The following NELL1 variants were observed in gnomAD, a reference collection of about 807,000 sequenced individuals.
NELL1 encodes neural EGFL like 1, also known as protein kinase C-binding protein NELL1.
Under a neutral mutation model 107.4 loss-of-function variants are expected in NELL1, and 76 were observed. The observed-to-expected ratio is 0.71, with a 90% CI of 0.59 to 0.86. The LOEUF is 0.86. Among genes scored for constraint, NELL1 ranks in the 40% least tolerant of loss-of-function variants. NELL1 has a pLI of 0.00. For missense variants in NELL1, 1,024 were observed against 1,005.5 expected (o/e 1.02, Z -0.25); for synonymous variants, 353 against 341.2 (o/e 1.03, Z -0.38).
chr11:21,170,269 C>A (rs1856575385), intron 13 of NELL1: 3 of 276,524 alleles, frequency 1.1e-5, no homozygotes, highest in Non-Finnish European at 2.0e-5. Context: ...GGGCCTTGGA[C>A]TGCATATTTT....
At chr11:21,476,306 T>C (rs1854331743) in intron 15 of NELL1, among the ~76,000 whole-genome samples, 2 of 152,158 alleles carry the variant, frequency 1.3e-5, no homozygotes, top group Admixed American at 6.5e-5. Flanking sequence ...AGATATTCTC[T>C]TCATTACCAG....
At chr11:21,301,731 C>T (rs1849495417) in intron 14 of NELL1, among the ~76,000 whole-genome samples, 1 of 152,028 alleles carries the variant, frequency 6.6e-6, no homozygotes, top group Non-Finnish European at 1.5e-5. Context: ...TTTTGCTGTG[C>T]AGAAGCTCTT....
At chr11:21,023,946 G>T (rs555485930) in intron 12 of NELL1, among the ~76,000 whole-genome samples, 1 of 152,090 alleles carries the variant, frequency 6.6e-6, no homozygotes, top group East Asian at 1.9e-4. Context: ...TTGCAGTGTT[G>T]CATAGAAACT....
At chr11:21,103,351 A>G (rs959082750) in intron 12 of NELL1, among the ~76,000 whole-genome samples, 1 of 152,210 alleles carries the variant, frequency 6.6e-6, no homozygotes, top group African/African-American at 2.4e-5. Context: ...TTGCTATCGA[A>G]TTAACCAAGA....
At chr11:21,285,367 C>G (rs563537539) in intron 14 of NELL1, among the ~76,000 whole-genome samples, 90 of 152,270 alleles carry the variant, frequency 5.9e-4, no homozygotes, top group Non-Finnish European at 1.1e-3. Context: ...TGCAGAGAAG[C>G]CTGGCTTCTC....
rs546193770 is a variant in NELL1 at position 21,191,939 on chromosome 11, T to C, written c.1427-37393T>C. Among the ~76,000 whole-genome samples, 8 of 152,038 alleles carry C rather than the reference T, an allele frequency of 5.3e-5. No individual in the cohort carries two copies. In the South Asian group the frequency reaches 1.7e-3, roughly 32 times the overall value. ...GCTTACACATTCCAAATGGACTTAT[T>C]AGATAATATGTGAAAGATATAAAAA... On this transcript the variant is annotated intron_variant, in intron 13 of 19. Transcript: ENST00000357134.
chr11:21,359,188 A>G (rs185651719), intron 14 of NELL1, among the ~76,000 whole-genome samples: 1 of 152,298 alleles, frequency 6.6e-6, no homozygotes, highest in African/African-American at 2.4e-5. Flanking sequence ...TTAATCATAA[A>G]GTCACACTGA....
intron 14 of NELL1, among the ~76,000 whole-genome samples, chr11:21,338,977 A>T (rs184156341): frequency 9.7e-4 from 147 of 152,300 alleles, no homozygotes; most frequent in African/African-American, 3.3e-3. Flanking sequence ...TTTTAAAAAG[A>T]TGGAATCTCC....
chr11:20,857,445 C>A (rs1032655897), intron 4 of NELL1, among the ~76,000 whole-genome samples: 1 of 152,164 alleles, frequency 6.6e-6, no homozygotes, highest in Non-Finnish European at 1.5e-5. Flanking sequence ...AGCCCCGAGG[C>A]TCCCAGCTCG....
chr11:21,259,700 G>A (rs544047758), intron 14 of NELL1, among the ~76,000 whole-genome samples: 9 of 151,952 alleles, frequency 5.9e-5, no homozygotes, highest in South Asian at 2.1e-4. Context: ...ATACTAAGTC[G>A]GAGTTTCTCT....
intron 2 of NELL1, among the ~76,000 whole-genome samples, chr11:20,712,392 C>T (rs1855135401): frequency 6.6e-6 from 1 of 152,002 alleles, no homozygotes; most frequent in African/African-American, 2.4e-5. Context: ...TGGTTTTCAC[C>T]TTTCTCTGGC....
chr11:21,178,937 T>C (rs746020593), intron 13 of NELL1, among the ~76,000 whole-genome samples: 2 of 151,792 alleles, frequency 1.3e-5, no homozygotes, highest in African/African-American at 4.9e-5. Flanking sequence ...TTTGATATTA[T>C]GCATGGCTGA....
chr11:21,197,249 T>C (rs1332348709), intron 13 of NELL1, among the ~76,000 whole-genome samples: 2 of 150,874 alleles, frequency 1.3e-5, no homozygotes, highest in African/African-American at 4.9e-5. Context: ...AGATAACACA[T>C]AAAAACATGA....
rs147706501 is a variant in NELL1, at chr11:20,755,035, C to A, written c.185-28645C>A. On this transcript the variant is annotated intron_variant, in intron 2 of 19. Coordinates refer to ENST00000357134, the MANE Select transcript of NELL1 (RefSeq NM_006157.5). Reference sequence around the variant, plus strand: ...GAGAGTGGTTGAGAAACAACTTCCCCAACCCCAAGCCACATACATGTACAT... The same window carrying A: ...GAGAGTGGTTGAGAAACAACTTCCCAAACCCCAAGCCACATACATGTACAT... Among the ~76,000 whole-genome samples, 562 of 152,310 alleles carry A rather than the reference C, an allele frequency of 3.7e-3. 1 individual carries two copies. Among genetic ancestry groups the A allele is most frequent in the African/African-American group, 0.013 (533 of 41,562 alleles).
chr11:21,214,067 C>T (rs1307677961), intron 13 of NELL1, among the ~76,000 whole-genome samples: 1 of 152,054 alleles, frequency 6.6e-6, no homozygotes, highest in African/African-American at 2.4e-5. Context: ...TGGCAAATCC[C>T]ATATCCAATA....
chr11:20,762,252 C>A (rs758770618), intron 2 of NELL1, among the ~76,000 whole-genome samples: 5 of 152,118 alleles, frequency 3.3e-5, no homozygotes, highest in African/African-American at 1.2e-4. Flanking sequence ...TGGGGTATTG[C>A]GAGGGAGACA....
chr11:21,390,960 C>G (rs1851862545), intron 15 of NELL1, among the ~76,000 whole-genome samples: 1 of 151,608 alleles, frequency 6.6e-6, no homozygotes. Flanking sequence ...TGTTGAATCT[C>G]CTGTTCCTGA....
intron 2 of NELL1, among the ~76,000 whole-genome samples, chr11:20,745,611 G>A (rs1855985570): frequency 6.6e-6 from 1 of 152,176 alleles, no homozygotes; most frequent in Non-Finnish European, 1.5e-5. Context: ...TAGGTTACTA[G>A]TAAGTAATCT....
intron 2 of NELL1, among the ~76,000 whole-genome samples, chr11:20,748,103 C>G (rs981694891): frequency 1.3e-5 from 2 of 152,160 alleles, no homozygotes; most frequent in Non-Finnish European, 2.9e-5. Context: ...CATTCTATAG[C>G]CAAAATTTTT....
Sources: gnomAD v4.1 joint callset for allele counts (sites outside exome capture counted in the v4.1 genomes callset) on GRCh38, gnomAD v4.1.1 for gene constraint, MANE v1.5 for transcripts, NCBI Gene and HGNC (gene_info 2026-07-23, HGNC 2026-07-21) for gene names.